Variants in LRMDA observed in about 807,000 individuals in gnomAD.
The protein encoded by LRMDA is leucine-rich melanocyte differentiation-associated protein.
Under a neutral mutation model 29.8 loss-of-function variants are expected in LRMDA, and 18 were observed. The observed-to-expected ratio is 0.60, with a 90% CI of 0.42 to 0.90. The LOEUF (loss-of-function observed/expected upper bound fraction) is 0.90, where lower values mean the gene tolerates loss of function less well. Ranked by LOEUF, LRMDA falls within the 40% of genes least tolerant of loss-of-function variation. LRMDA has a pLI of 0.00. For missense variants in LRMDA, 273 were observed against 273.9 expected, an observed-to-expected ratio of 1.00 and a Z score of 0.02; for synonymous variants, 125 against 109.4, an observed-to-expected ratio of 1.14 and a Z score of -0.89.
intron 5 of LRMDA, among the ~76,000 whole-genome samples, chr10:76,063,876 A>G (rs2132060649): frequency 2.6e-5 from 4 of 152,184 alleles, no homozygotes; most frequent in Admixed American, 2.6e-4. Context: ...AGACGGAATG[A>G]TTCATAAGGA....
intron 2 of LRMDA, among the ~76,000 whole-genome samples, chr10:75,914,092 A>G (rs543060875): frequency 4.2e-4 from 64 of 152,262 alleles, no homozygotes; most frequent in Non-Finnish European, 7.1e-4. Flanking sequence ...ATCATCCGAA[A>G]AAAGCCTGCG....
chr10:75,632,788 T>TTC (rs1554817120), intron 2 of LRMDA, among the ~76,000 whole-genome samples: 1 of 134,702 alleles, frequency 7.4e-6, no homozygotes, highest in African/African-American at 2.9e-5. Flanking sequence ...TTTAGTTTTT[T>TTC]TTTTTTTTTT....
chr10:75,943,804 A>G (rs551531331), intron 2 of LRMDA, among the ~76,000 whole-genome samples: 26 of 152,318 alleles, frequency 1.7e-4, no homozygotes, highest in African/African-American at 6.3e-4. Flanking sequence ...ATCTAGCTCA[A>G]TTCAACACTT....
intron 2 of LRMDA, among the ~76,000 whole-genome samples, chr10:75,876,565 T>TA (rs1352668615): frequency 6.6e-6 from 1 of 152,170 alleles, no homozygotes; most frequent in African/African-American, 2.4e-5. Flanking sequence ...CATAAGAGGT[T>TA]ACGGAGTCCC....
chr10:75,648,462 G>C (rs997039445), intron 2 of LRMDA, among the ~76,000 whole-genome samples: 1 of 152,150 alleles, frequency 6.6e-6, no homozygotes, highest in Non-Finnish European at 1.5e-5. Context: ...GACTGTGCAG[G>C]GGGCTCTTAT....
At chr10:76,171,209 C>T (rs1478150370) in intron 5 of LRMDA, among the ~76,000 whole-genome samples, 2 of 152,192 alleles carry the variant, frequency 1.3e-5, no homozygotes, top group African/African-American at 4.8e-5. Context: ...GACACTATCT[C>T]GCTGCAACCT....
chr10:75,985,221 G>A (rs868268643), intron 2 of LRMDA, among the ~76,000 whole-genome samples: 43 of 152,294 alleles, frequency 2.8e-4, no homozygotes, highest in Middle Eastern at 3.4e-3. Context: ...TAAAAATGAA[G>A]GAGAGAAAGT....
chr10:76,156,150 G>A (rs1382154542), intron 5 of LRMDA, among the ~76,000 whole-genome samples: 1 of 152,160 alleles, frequency 6.6e-6, no homozygotes, highest in East Asian at 1.9e-4. Context: ...TGGCTAATTG[G>A]AAGTGTCGGT....
At chr10:76,000,150 A>G (rs1183731510) in intron 2 of LRMDA, among the ~76,000 whole-genome samples, 1 of 152,112 alleles carries the variant, frequency 6.6e-6, no homozygotes, top group Non-Finnish European at 1.5e-5. Context: ...AATGTTTTTG[A>G]AATTATTTGG....
intron 5 of LRMDA, among the ~76,000 whole-genome samples, chr10:76,260,310 CATG>C (rs1264720155): frequency 2.0e-5 from 3 of 151,952 alleles, no homozygotes; most frequent in African/African-American, 4.8e-5. Flanking sequence ...TGCATGTTTT[CATG>C]ATGATGATGA....
chr10:76,013,790 TG>T (rs1195665184), intron 2 of LRMDA, among the ~76,000 whole-genome samples: 8 of 151,992 alleles, frequency 5.3e-5, no homozygotes, highest in Non-Finnish European at 8.8e-5. Flanking sequence ...TGGATTAGGC[TG>T]GGGCAAGGGC....
At chr10:76,208,610 A>G (rs528925965) in intron 5 of LRMDA, among the ~76,000 whole-genome samples, 2 of 152,310 alleles carry the variant, frequency 1.3e-5, no homozygotes, top group South Asian at 4.1e-4. Flanking sequence ...AATGCGGGGA[A>G]ACCAGCTGTG....
At chr10:75,939,621 C>A (rs1846354113) in intron 2 of LRMDA, among the ~76,000 whole-genome samples, 1 of 152,042 alleles carries the variant, frequency 6.6e-6, no homozygotes, top group African/African-American at 2.4e-5. Flanking sequence ...TTGATAAAAC[C>A]TAGAGAGGTC....
chr10:76,516,801 A>G (rs1843066313), intron 6 of LRMDA, among the ~76,000 whole-genome samples: 1 of 152,212 alleles, frequency 6.6e-6, no homozygotes, highest in East Asian at 1.9e-4. Flanking sequence ...CACAATAAAC[A>G]TACGTGTGCA....
intron 6 of LRMDA, among the ~76,000 whole-genome samples, chr10:76,545,831 C>G (rs1030022071): frequency 2.6e-5 from 4 of 151,888 alleles, no homozygotes; most frequent in Admixed American, 2.6e-4. Context: ...AGCAATGTCA[C>G]GAGTTTTACT....
chr10:75,671,619 C>T (rs938061653), intron 2 of LRMDA, among the ~76,000 whole-genome samples: 1 of 152,090 alleles, frequency 6.6e-6, no homozygotes, highest in Non-Finnish European at 1.5e-5. Flanking sequence ...GGCAACATCA[C>T]ACACCAGGGC....
chr10:75,914,090 A>G (rs990830361), intron 2 of LRMDA, among the ~76,000 whole-genome samples: 1 of 152,242 alleles, frequency 6.6e-6, no homozygotes, highest in Non-Finnish European at 1.5e-5. Context: ...ATATCATCCG[A>G]AAAAAGCCTG....
At chr10:76,362,616 G>T (rs925199406) in intron 6 of LRMDA, among the ~76,000 whole-genome samples, 42 of 152,106 alleles carry the variant, frequency 2.8e-4, no homozygotes, top group African/African-American at 9.9e-4. Flanking sequence ...TACCCCCCTG[G>T]TGGGGTTGGG....
At chr10:75,729,337 G>A (rs961758807) in intron 2 of LRMDA, among the ~76,000 whole-genome samples, 1 of 152,180 alleles carries the variant, frequency 6.6e-6, no homozygotes, top group South Asian at 2.1e-4. Context: ...GGCACAGTAG[G>A]GCCTAGTCCC....
Sources: gnomAD v4.1 joint callset for allele counts (sites outside exome capture counted in the v4.1 genomes callset) on GRCh38, gnomAD v4.1.1 for gene constraint, MANE v1.5 for transcripts, NCBI Gene and HGNC (gene_info 2026-07-23, HGNC 2026-07-21) for gene names.